POMT2: variants seen among roughly 807,000 people sequenced by gnomAD.
POMT2 encodes the protein protein O-mannosyl-transferase 2.
Under a neutral mutation model 100.0 loss-of-function variants are expected in POMT2, and 75 were observed. The ratio of observed to expected loss-of-function variants is 0.75; its 90% CI spans 0.62 to 0.91. POMT2 has a LOEUF of 0.91. Among genes scored for constraint, POMT2 ranks in the 40% least tolerant of loss-of-function variants. The pLI is 0.00. For missense variants in POMT2, 940 were observed against 955.1 expected, an observed-to-expected ratio of 0.98 and a Z score of 0.21; for synonymous variants, 378 against 374.1, an observed-to-expected ratio of 1.01 and a Z score of -0.12.
intron 15 of POMT2, among the ~76,000 whole-genome samples, chr14:77,283,406 G>A (rs1209508092): frequency 6.6e-6 from 1 of 152,222 alleles, no homozygotes; most frequent in Admixed American, 6.5e-5. Context: ...AAGCCTACCA[G>A]CCTGGCTCTG....
rs551885065 is a variant in POMT2, at chr14:77,302,870, C to T, written c.621G>A (p.Met207Ile). 19 of 1,613,722 alleles carry T rather than the reference C, an allele frequency of 1.2e-5. No individual in the cohort carries two copies. The African/African-American group carries it at 2.3e-4, about 19-fold the overall frequency. ...AAGAGTTGTACTTGACCATGCTCAG[C>T]ATGGCAGCCATGATGAAGAACATCA... ...PILMFFIMAA[M>I]LSMVKYNSCA... The change falls in exon 5 of 21, where the codon ATG (methionine) becomes ATA (isoleucine). Residue 207 changes from methionine to isoleucine, a missense_variant. Met to Ile is a conservative substitution (Grantham distance 10). Transcript: ENST00000261534.
chr14:77,299,621 C>G, intron 6 of POMT2, 60 bp from the exon 7 acceptor site: 1 of 1,219,964 alleles, frequency 8.2e-7, no homozygotes, highest in Non-Finnish European at 1.2e-6. Context: ...TCCTTAGGCA[C>G]TATGCATGCA....
rs1890316234 is a variant in POMT2 at position 77,283,798 on chromosome 14, CG to C, written c.1651del (p.Arg551GlyfsTer50). ...ILLESHMVMIRGNSGLKPKDN... is the reference protein window; with the variant it reads ...ILLESHMVMIXGNSGLKPKDN... ...ATGAAATGAGAAGGGGACACATACC[CG>C]GATCATGACCATGTGGGATTCCAGC... On this transcript the variant is annotated frameshift_variant and splice_region_variant, in exon 15 of 21. Coordinates refer to ENST00000261534, the MANE Select transcript of POMT2 (RefSeq NM_013382.7). LOFTEE classifies it high-confidence loss of function. The C allele has an allele frequency of 6.2e-7, 1 of 1,605,578 alleles. No homozygotes were observed. Among genetic ancestry groups the C allele is most frequent in the Non-Finnish European group, 8.5e-7 (1 of 1,172,364 alleles).
intron 2 of POMT2, among the ~76,000 whole-genome samples, chr14:77,311,210 C>T (rs916568253): frequency 1.4e-4 from 21 of 152,310 alleles, no homozygotes; most frequent in African/African-American, 4.6e-4. Flanking sequence ...GTGAGAGAAA[C>T]AGATCAAACC....
chr14:77,294,468 C>G (rs1361630816), intron 9 of POMT2, among the ~76,000 whole-genome samples: 1 of 152,198 alleles, frequency 6.6e-6, no homozygotes, highest in East Asian at 1.9e-4. Flanking sequence ...ATTACTGGCA[C>G]GTGCCATCAA....
rs562425016 is a variant in POMT2 at position 77,302,939 on chromosome 14, C to T, written c.552G>A (p.Thr184=). The change falls in exon 5 of 21, where the codon ACG becomes ACA. Residue 184 remains threonine, a synonymous_variant. Coordinates refer to ENST00000261534, the MANE Select transcript of POMT2 (RefSeq NM_013382.7). ...TGTACTGGGACAGAGTGAGGCATCC[C>T]GTGTCTGAAAAACATGAGCTCGCTG... ...LLTAALLTFD[T]GCLTLSQYIL... 9.3e-6 allele frequency: 15 copies of T among 1,610,754 alleles called. No individual in the cohort carries two copies. Among genetic ancestry groups the T allele is most frequent in the East Asian group, 4.5e-5 (2 of 44,804 alleles).
intron 18 of POMT2, chr14:77,279,126 G>C (rs1890104111): frequency 1.8e-6 from 1 of 569,774 alleles, no homozygotes; most frequent in Non-Finnish European, 3.2e-6. Context: ...AGCCTCTAAA[G>C]AAACCCTTCT....
rs1889895087 is a variant in POMT2 at position 77,275,276 on chromosome 14, C to T, written c.*2100G>A. On this transcript the variant is annotated 3_prime_UTR_variant, in exon 21 of 21. Coordinates refer to ENST00000261534, the MANE Select transcript of POMT2 (RefSeq NM_013382.7). ...TGGGCATGGAGGAACAGAAAGTGGGCAGGGAATTCTCCTTGGCTCCTTAGA... is the reference window on the plus strand; with the variant it reads ...TGGGCATGGAGGAACAGAAAGTGGGTAGGGAATTCTCCTTGGCTCCTTAGA... 2 of 152,222 alleles carry T rather than the reference C, an allele frequency of 1.3e-5. No homozygotes were observed. The highest frequency in any genetic ancestry group is 6.5e-5 in the Admixed American group (1 of 15,276). 9.4% of individuals were successfully genotyped at this position (152,222 alleles called of 1,614,324 possible). A position where few individuals can be genotyped will look rare whatever the true frequency, so the allele number is the denominator to read the frequency against.
At position 77,320,552 on chromosome 14, in the gene POMT2, G is replaced by C; in HGVS notation, c.130C>G (p.Arg44Gly). 1 of 1,567,220 alleles carries C rather than the reference G, an allele frequency of 6.4e-7. No homozygotes were observed. ...AAEAVARSPK[R>G]PAWGSRRFEA... is the part of the protein sequence containing the mutation. ...AAGCGCCGTGAGCCCCAAGCAGGCC[G>C]TTTGGGGCTTCGCGCCACAGCCTCA... The change falls in exon 1 of 21, where the codon CGG becomes GGG. Residue 44 changes from arginine to glycine, a missense_variant. Arg to Gly is a moderately radical substitution (Grantham distance 125, BLOSUM62 -2). Transcript: ENST00000261534.
At chr14:77,306,212 C>T in intron 3 of POMT2, 125 bp downstream of exon 3, 1 of 1,513,792 alleles carries the variant, frequency 6.6e-7, no homozygotes, top group Non-Finnish European at 8.9e-7. Context: ...TCATCCTCCC[C>T]TCTCCTCACC....
chr14:77,286,894 G>T, intron 11 of POMT2, 72 bp from the exon 12 acceptor site: 5 of 1,609,482 alleles, frequency 3.1e-6, no homozygotes, highest in Non-Finnish European at 3.4e-6. Context: ...TTTTACCAAG[G>T]ATGTTCAGAG....
chr14:77,285,011 G>C lies in POMT2; in HGVS notation c.1515C>G (p.Thr505=), dbSNP rs770289097. 6.2e-7 allele frequency: 1 copy of C among 1,613,410 alleles called. No individual in the cohort carries two copies. The highest frequency in any genetic ancestry group is 1.7e-5 in the Admixed American group (1 of 60,006). The change falls in exon 14 of 21, where the codon ACC becomes ACG. Residue 505 remains threonine (T), a synonymous_variant. Transcript: ENST00000261534. ...WGWEQLEVTC[T]PYLKETLNSI... The stretch of plus-strand genomic sequence containing the variant: ...AGTTGAGGGTTTCTTTCAGGTATGG[G>C]GTGCAAGTAACTTCCAACTGCTCCC...
At chr14:77,299,340 T>C (rs1421751972) in intron 7 of POMT2, 115 bp downstream of exon 7, 3 of 911,806 alleles carry the variant, frequency 3.3e-6, no homozygotes, top group Non-Finnish European at 3.6e-6. Flanking sequence ...AAAAAGCCCC[T>C]GGGGTCCCTC....
In POMT2 at chr14:77,309,362, C is replaced by G. The variant is rs1158105123; in HGVS notation, c.333+2587G>C. 2.0e-5 allele frequency among the ~76,000 whole-genome samples: 3 copies of G among 152,084 alleles called. No homozygotes were observed. In the East Asian group the frequency reaches 5.8e-4, roughly 29 times the overall value. ...AGTTCCTGTTTAAGTTCCAGGTGCC[C>G]AGGGTTGGTAGGCAATGTGAAGTGG... On this transcript the variant is annotated intron_variant, in intron 2 of 20. Transcript: ENST00000261534.
rs1375895079 is a variant in POMT2, at chr14:77,278,397, T to TA, written c.2143dup (p.Tyr715LeufsTer65). 1 of 1,463,634 alleles carries TA rather than the reference T, an allele frequency of 6.8e-7. No individual in the cohort carries two copies. The highest frequency in any genetic ancestry group is 2.0e-5 in the Admixed American group (1 of 50,954). The allele number at this position is 1,463,634 out of a possible 1,614,324, so 90.7% of individuals were successfully genotyped here. On this transcript the variant is annotated frameshift_variant, in exon 20 of 21. Transcript: ENST00000261534. LOFTEE classifies it high-confidence loss of function. ...TGTGAGGTGCAGAGATGCTCACCTG[T>TA]AGGCAGTTCCCAGGAGCAGGCTCAG...
At chr14:77,309,405 A>T (rs1467308074) in intron 2 of POMT2, among the ~76,000 whole-genome samples, 1 of 152,160 alleles carries the variant, frequency 6.6e-6, no homozygotes, top group Non-Finnish European at 1.5e-5. Context: ...TGGCCTCAGT[A>T]GCAAAGGAGA....
At chr14:77,281,722 G>A (rs1339577852) in intron 15 of POMT2, among the ~76,000 whole-genome samples, 1 of 152,196 alleles carries the variant, frequency 6.6e-6, no homozygotes, top group South Asian at 2.1e-4. Context: ...ACTGTCCCGT[G>A]CATTGCAGAG....
At chr14:77,287,299 A>G (rs1378418587) in intron 11 of POMT2, 1 of 157,746 alleles carries the variant, frequency 6.3e-6, no homozygotes, top group African/African-American at 2.4e-5. Flanking sequence ...GGTTTAATTT[A>G]GCTTTTATTT....
chr14:77,306,531 CT>C lies in POMT2; in HGVS notation c.334-91del. ...ACTTCCCTCCAGCTGCACCCACAGA[CT>C]TTGGGTTCCCTTGACAACTGTCCAT... On this transcript the variant is annotated intron_variant, in intron 2 of 20. Coordinates refer to ENST00000261534, the MANE Select transcript of POMT2 (RefSeq NM_013382.7). 2.0e-6 allele frequency: 3 copies of C among 1,468,304 alleles called. No individual in the cohort carries two copies. In the South Asian group the frequency reaches 3.5e-5, roughly 17 times the overall value. 91.0% of individuals were successfully genotyped at this position (1,468,304 alleles called of 1,614,324 possible). A position where few individuals can be genotyped will look rare whatever the true frequency, so the allele number is the denominator to read the frequency against.
Sources: gnomAD v4.1 joint callset for allele counts (sites outside exome capture counted in the v4.1 genomes callset) on GRCh38, gnomAD v4.1.1 for gene constraint, MANE v1.5 for transcripts, NCBI Gene and HGNC (gene_info 2026-07-23, HGNC 2026-07-21) for gene names.